Variants in LPGAT1 observed in about 807,000 individuals in gnomAD.
LPGAT1 encodes acyl-CoA:lysophosphatidylglycerol acyltransferase 1.
In LPGAT1, 11 loss-of-function variants were observed where a neutral mutation model predicts 47.5. The ratio of observed to expected loss-of-function variants is 0.23; its 90% CI spans 0.15 to 0.38. The LOEUF is 0.38. LPGAT1 is among the 10% of genes least tolerant of loss of function. The pLI, the probability that LPGAT1 is intolerant of heterozygous loss-of-function variation, is 1.00. For synonymous variants in LPGAT1, 138 were observed against 144.2 expected, an observed-to-expected ratio of 0.96 and a Z score of 0.31; for missense variants, 293 against 439.0, an observed-to-expected ratio of 0.67 and a Z score of 2.97.
At chr1:211,809,246 TAAG>T (rs1659877865) in intron 2 of LPGAT1, among the ~76,000 whole-genome samples, 1 of 152,060 alleles carries the variant, frequency 6.6e-6, no homozygotes, top group African/African-American at 2.4e-5. Flanking sequence ...CTGAGGTAGC[TAAG>T]ACTTCACATC....
intron 2 of LPGAT1, among the ~76,000 whole-genome samples, chr1:211,818,439 G>C (rs1660255922): frequency 6.6e-6 from 1 of 152,148 alleles, no homozygotes; most frequent in Non-Finnish European, 1.5e-5. Flanking sequence ...CTCAAGAATA[G>C]CTGGAAATGT....
At chr1:211,781,468 T>G (rs1342305346) in intron 5 of LPGAT1, among the ~76,000 whole-genome samples, 1 of 152,218 alleles carries the variant, frequency 6.6e-6, no homozygotes, top group Non-Finnish European at 1.5e-5. Flanking sequence ...GTAGTGAAAC[T>G]ATTCTGAACT....
At position 211,743,588 on chromosome 1, in the gene LPGAT1, G is replaced by GA. The variant is rs1459736399; in HGVS notation, c.*6310dup. ...TTTTAAAAATACATTTGTTCAGCAG[G>GA]AAAAAACATTTTAAAAACAAGCATT... On this transcript the variant is annotated 3_prime_UTR_variant, in exon 8 of 8. Coordinates refer to ENST00000366997, the MANE Select transcript of LPGAT1 (RefSeq NM_014873.3). 1 of 152,092 alleles carries GA rather than the reference G, an allele frequency of 6.6e-6. No individual in the cohort carries two copies. The highest frequency in any genetic ancestry group is 1.5e-5 in the Non-Finnish European group (1 of 68,020). The allele number at this position is 152,092 out of a possible 1,614,324, so 9.4% of individuals were successfully genotyped here. A position where few individuals can be genotyped will look rare whatever the true frequency, so the allele number is the denominator to read the frequency against.
At position 211,830,586 on chromosome 1, in the gene LPGAT1, G is replaced by T; in HGVS notation, c.-41C>A. 8.3e-7 allele frequency: 1 copy of T among 1,208,962 alleles called. No individual in the cohort carries two copies. The highest frequency in any genetic ancestry group is 1.0e-6 in the Non-Finnish European group (1 of 973,192). 74.9% of individuals were successfully genotyped at this position (1,208,962 alleles called of 1,614,324 possible). On this transcript the variant is annotated 5_prime_UTR_variant, in exon 1 of 8. Transcript: ENST00000366997. The surrounding 1 kb of genome is among the most constrained non-coding windows in gnomAD (Gnocchi z 5.9). ...GCCGGAGGTTACCTCGGGCTGGCCG[G>T]GCCCCAGCCGGGGCTTTGGGAGTCA... is the stretch of plus-strand genomic sequence containing the variant.
intron 5 of LPGAT1, among the ~76,000 whole-genome samples, chr1:211,781,851 T>A (rs1460031601): frequency 6.6e-6 from 1 of 152,238 alleles, no homozygotes; most frequent in Non-Finnish European, 1.5e-5. Flanking sequence ...AAATATCTTC[T>A]GCAAAACTTT....
chr1:211,800,736 A>G (rs367614134), intron 2 of LPGAT1, among the ~76,000 whole-genome samples: 127 of 152,346 alleles, frequency 8.3e-4, no homozygotes, highest in African/African-American at 2.9e-3. Context: ...TTTGAGAAGC[A>G]CTAAGTTAAA....
At chr1:211,771,578 A>T (rs147536004) in intron 6 of LPGAT1, among the ~76,000 whole-genome samples, 91 of 152,106 alleles carry the variant, frequency 6.0e-4, no homozygotes, top group African/African-American at 2.1e-3. Flanking sequence ...ATTTCAGCTC[A>T]CTGCATCCTC....
intron 3 of LPGAT1, 137 bp from the exon 4 acceptor site, chr1:211,787,864 TACAA>T (rs1658952514): frequency 7.3e-6 from 4 of 544,264 alleles, no homozygotes; most frequent in Admixed American, 3.7e-5. Context: ...ACTCTATTTC[TACAA>T]ACAAAGCACA....
chr1:211,815,773 C>CTTTTTTTTTTTTTT (rs938719098), intron 2 of LPGAT1, among the ~76,000 whole-genome samples: 1 of 101,846 alleles, frequency 9.8e-6, no homozygotes, highest in African/African-American at 3.6e-5. Context: ...AAATGCTTTT[C>CTTTTTTTTTTTTTT]TTTTTTTTTT....
At chr1:211,801,718 G>A (rs1571747404) in intron 2 of LPGAT1, among the ~76,000 whole-genome samples, 1 of 147,196 alleles carries the variant, frequency 6.8e-6, no homozygotes, top group Non-Finnish European at 1.5e-5. Flanking sequence ...TTAAAAAAGG[G>A]AAGGGGAGGG....
Position 211,830,376 on chromosome 1 carries a change from CCGGGCGGGTCCCGGGGAGG to C in LPGAT1, c.-28+178_-28+196del. The C allele has an allele frequency of 8.6e-7, 1 of 1,166,278 alleles. No individual in the cohort carries two copies. Among genetic ancestry groups the C allele is most frequent in the Non-Finnish European group, 1.1e-6 (1 of 946,102 alleles). 72.2% of individuals were successfully genotyped at this position (1,166,278 alleles called of 1,614,324 possible). On this transcript the variant is annotated intron_variant, in intron 1 of 7. Transcript: ENST00000366997. This position sits in a 1 kb window ranked among gnomAD's most constrained non-coding sequence, Gnocchi z 5.9. Reference sequence around the variant, plus strand: ...GGGACTCAGAGGCCGGACCTGTCACCCGGGCGGGTCCCGGGGAGGCGGGCGGATGCCCCGCGCCCCCGCC... The same window carrying C: ...GGGACTCAGAGGCCGGACCTGTCACCCGGGCGGATGCCCCGCGCCCCCGCC...
At chr1:211,813,224 G>A (rs1660060005) in intron 2 of LPGAT1, among the ~76,000 whole-genome samples, 1 of 152,052 alleles carries the variant, frequency 6.6e-6, no homozygotes, top group Admixed American at 6.5e-5. Flanking sequence ...ATCTCTTGGG[G>A]TTCAACTCTA....
intron 2 of LPGAT1, among the ~76,000 whole-genome samples, chr1:211,819,181 C>G (rs12568271): frequency 6.6e-6 from 1 of 152,006 alleles, no homozygotes; most frequent in South Asian, 2.1e-4. Context: ...TTCAGAAAAC[C>G]TAGGAGAAAA....
At chr1:211,828,901 T>A (rs573805041) in intron 2 of LPGAT1, among the ~76,000 whole-genome samples, 158 bp downstream of exon 2, 1 of 152,358 alleles carries the variant, frequency 6.6e-6, no homozygotes, top group Admixed American at 6.5e-5. Context: ...TTGGTCTTCC[T>A]GAGATTCTGA....
At chr1:211,784,108 G>C (rs1658748555) in intron 4 of LPGAT1, among the ~76,000 whole-genome samples, 1 of 152,184 alleles carries the variant, frequency 6.6e-6, no homozygotes, top group African/African-American at 2.4e-5. Context: ...TCAAAGAACA[G>C]CACCAAGGCC....
intron 3 of LPGAT1, chr1:211,792,526 T>A (rs1213717915): frequency 6.6e-6 from 1 of 151,778 alleles, no homozygotes; most frequent in Non-Finnish European, 1.5e-5. Context: ...TTTAAAACAG[T>A]CTTATTGAAA....
chr1:211,787,514 C>T, intron 4 of LPGAT1, 118 bp downstream of exon 4: 1 of 499,426 alleles, frequency 2.0e-6, no homozygotes, highest in Non-Finnish European at 3.6e-6. Context: ...AAAAAAGCTC[C>T]CTAAGACTGG....
chr1:211,789,072 A>T (rs1659004851), intron 3 of LPGAT1, among the ~76,000 whole-genome samples: 1 of 152,206 alleles, frequency 6.6e-6, no homozygotes, highest in Admixed American at 6.5e-5. Context: ...ATGCCTAGTA[A>T]AGAAAGAACT....
Position 211,783,330 on chromosome 1 carries a change from T to C in LPGAT1, c.626A>G (p.Asn209Ser). ...AKKNNLPFLTNVTLPRSGATK... is the reference protein window; with the variant it reads ...AKKNNLPFLTSVTLPRSGATK... Reference sequence around the variant, plus strand: ...TGCCCCAGACCTTGGCAGAGTAACATTTGTAAGAAATGGCAAGTTATTTTT... The same window carrying C: ...TGCCCCAGACCTTGGCAGAGTAACACTTGTAAGAAATGGCAAGTTATTTTT... The change falls in exon 5 of 8, where the codon AAT becomes AGT. Residue 209 changes from asparagine (N) to serine (S), a missense_variant. Coordinates refer to ENST00000366997, the MANE Select transcript of LPGAT1 (RefSeq NM_014873.3). 2.5e-6 allele frequency: 4 copies of C among 1,614,154 alleles called. No homozygotes were observed. Among genetic ancestry groups the C allele is most frequent in the Non-Finnish European group, 3.4e-6 (4 of 1,180,016 alleles).
Sources: allele counts gnomAD v4.1 joint callset (sites outside exome capture counted in the v4.1 genomes callset), GRCh38; gene constraint gnomAD v4.1.1; non-coding constraint Gnocchi (gnomAD v3.1); transcripts MANE v1.5; gene names NCBI Gene and HGNC (gene_info 2026-07-23, HGNC 2026-07-21).